The following RAPGEF6 variants were observed in gnomAD, a reference collection of about 807,000 sequenced individuals.
RAPGEF6 encodes Rap guanine nucleotide exchange factor 6.
Under a neutral mutation model 171.4 loss-of-function variants are expected in RAPGEF6, and 56 were observed. The observed-to-expected ratio is 0.33, with a 90% confidence interval of 0.26 to 0.41. The LOEUF (loss-of-function observed/expected upper bound fraction) is 0.41, where lower values mean the gene tolerates loss of function less well. RAPGEF6 is among the 10% of genes least tolerant of loss of function. The pLI is 1.00. For synonymous variants in RAPGEF6, 692 were observed against 650.1 expected, an observed-to-expected ratio of 1.06 and a Z score of -0.98; for missense variants, 1,674 against 1,921.4, an observed-to-expected ratio of 0.87 and a Z score of 2.41.
chr5:131,553,031 A>G (rs963960395), intron 5 of RAPGEF6, among the ~76,000 whole-genome samples: 7 of 152,168 alleles, frequency 4.6e-5, no homozygotes, highest in Admixed American at 2.6e-4. Flanking sequence ...AACAGTAACC[A>G]AGCAGTTGAA....
chr5:131,589,424 G>C (rs1228341769), intron 4 of RAPGEF6, among the ~76,000 whole-genome samples: 1 of 152,182 alleles, frequency 6.6e-6, no homozygotes, highest in Non-Finnish European at 1.5e-5. Flanking sequence ...AATGATTGTT[G>C]TTGTGTGTCT....
intron 9 of RAPGEF6, among the ~76,000 whole-genome samples, chr5:131,506,705 T>C (rs559374945): frequency 1.3e-5 from 2 of 152,192 alleles, no homozygotes; most frequent in East Asian, 3.9e-4. Flanking sequence ...CACCACTATA[T>C]CCCCGTATCT....
At chr5:131,591,001 G>C (rs913605503) in intron 4 of RAPGEF6, among the ~76,000 whole-genome samples, 1 of 152,048 alleles carries the variant, frequency 6.6e-6, no homozygotes, top group African/African-American at 2.4e-5. Context: ...AAAAAGCCAA[G>C]AACTACTATA....
chr5:131,568,938 A>G (rs988458671), intron 4 of RAPGEF6, among the ~76,000 whole-genome samples: 40 of 152,254 alleles, frequency 2.6e-4, no homozygotes, highest in African/African-American at 8.7e-4. Context: ...TCTATATACT[A>G]GCAATGAATA....
intron 3 of RAPGEF6, among the ~76,000 whole-genome samples, chr5:131,594,838 A>G (rs1157576714): frequency 6.6e-6 from 1 of 152,076 alleles, no homozygotes; most frequent in Non-Finnish European, 1.5e-5. Flanking sequence ...TAGCCCCTTT[A>G]TTTTGGCCAA....
rs558702974 is a variant in RAPGEF6 at position 131,524,817 on chromosome 5, C to A, written c.496-3296G>T. Among the ~76,000 whole-genome samples, 109 of 152,222 alleles carry A rather than the reference C, an allele frequency of 7.2e-4. 2 individuals are homozygous for A. In the South Asian group the frequency reaches 0.011, roughly 16 times the overall value. ...TTTTAGTACAGAAGGGGTTTCACCA[C>A]ATTGGCCAGGCTGGTCTCCAGCTCT... On this transcript the variant is annotated intron_variant, in intron 6 of 27. Coordinates refer to ENST00000509018, the MANE Select transcript of RAPGEF6 (RefSeq NM_016340.6).
At chr5:131,605,412 C>T (rs902426724) in intron 1 of RAPGEF6, among the ~76,000 whole-genome samples, 5 of 152,160 alleles carry the variant, frequency 3.3e-5, no homozygotes, top group Non-Finnish European at 5.9e-5. Flanking sequence ...CTGATGGGTG[C>T]AGCACACCAA....
At chr5:131,578,162 C>G (rs1004202234) in intron 4 of RAPGEF6, among the ~76,000 whole-genome samples, 15 of 152,148 alleles carry the variant, frequency 9.9e-5, no homozygotes, top group Admixed American at 9.2e-4. Context: ...AGGTACACTC[C>G]AATTCTTCTA....
intron 1 of RAPGEF6, among the ~76,000 whole-genome samples, chr5:131,616,773 C>T (rs1765290463): frequency 1.3e-5 from 2 of 151,974 alleles, no homozygotes; most frequent in Non-Finnish European, 2.9e-5. Flanking sequence ...TGCCACCACC[C>T]CCAGCTTTTT....
At position 131,479,696 on chromosome 5, in the gene RAPGEF6, G is replaced by T. The variant is rs773847446; in HGVS notation, c.1898C>A (p.Pro633His). The T allele has an allele frequency of 6.2e-7, 1 of 1,613,646 alleles. No homozygotes were observed. Among genetic ancestry groups the T allele is most frequent in the South Asian group, 1.1e-5 (1 of 91,060 alleles). The stretch of plus-strand genomic sequence containing the variant: ...ATTACTTTTTTTTTCAGCAATTTTG[G>T]GAATATGAGGAACACCAGATTTCTC... ...EQEKSGVPHI[P>H]KIAEKKSNRH... Residue 633 changes from proline (P) to histidine (H), a missense_variant, in exon 16 of 28, where the codon CCC becomes CAC. By Grantham distance (77) the Pro-to-His change is moderately conservative. Transcript: ENST00000509018.
intron 1 of RAPGEF6, among the ~76,000 whole-genome samples, chr5:131,633,008 T>C (rs973663069): frequency 3.3e-5 from 5 of 152,202 alleles, no homozygotes; most frequent in African/African-American, 1.2e-4. Context: ...CATAACTTTA[T>C]GAACAGTTTA....
intron 15 of RAPGEF6, among the ~76,000 whole-genome samples, chr5:131,487,180 T>C (rs1001205285): frequency 1.3e-5 from 2 of 152,138 alleles, no homozygotes; most frequent in Non-Finnish European, 2.9e-5. Context: ...TTCCGGTGGG[T>C]TCATGGTCTT....
chr5:131,463,999 G>C, intron 18 of RAPGEF6, 42 bp downstream of exon 18: 1 of 1,518,762 alleles, frequency 6.6e-7, no homozygotes, highest in African/African-American at 1.4e-5. Flanking sequence ...ATCTTCAAAA[G>C]CACATCTACA....
At chr5:131,608,150 T>G (rs771236356) in intron 1 of RAPGEF6, among the ~76,000 whole-genome samples, 4 of 152,232 alleles carry the variant, frequency 2.6e-5, no homozygotes, top group African/African-American at 4.8e-5. Flanking sequence ...CCCATTCATT[T>G]ACCTATTGGC....
At chr5:131,580,863 C>T (rs775622485) in intron 4 of RAPGEF6, among the ~76,000 whole-genome samples, 3 of 152,162 alleles carry the variant, frequency 2.0e-5, no homozygotes, top group Non-Finnish European at 4.4e-5. Flanking sequence ...TGGAAGGGCA[C>T]ATGTACTCTA....
intron 6 of RAPGEF6, among the ~76,000 whole-genome samples, 155 bp downstream of exon 6, chr5:131,547,892 C>G (rs1010344931): frequency 1.3e-5 from 2 of 152,066 alleles, no homozygotes; most frequent in Non-Finnish European, 2.9e-5. Flanking sequence ...ACCAATTCAA[C>G]CAAACAGAAG....
intron 17 of RAPGEF6, among the ~76,000 whole-genome samples, chr5:131,471,586 T>C (rs1365031480): frequency 6.6e-6 from 1 of 152,184 alleles, no homozygotes; most frequent in Non-Finnish European, 1.5e-5. Context: ...AATTATATGT[T>C]TCAGTGCTTA....
At chr5:131,502,063 T>C (rs879352278) in intron 11 of RAPGEF6, among the ~76,000 whole-genome samples, 2 of 152,272 alleles carry the variant, frequency 1.3e-5, no homozygotes, top group Admixed American at 1.3e-4. Flanking sequence ...TGTGCTCAAA[T>C]GATGGGGATA....
chr5:131,514,167 A>G (rs1757925895), intron 7 of RAPGEF6, among the ~76,000 whole-genome samples: 1 of 152,246 alleles, frequency 6.6e-6, no homozygotes, highest in South Asian at 2.1e-4. Flanking sequence ...CATGAGCATA[A>G]GGTGATAAAA....
Sources: allele counts gnomAD v4.1 joint callset (sites outside exome capture counted in the v4.1 genomes callset), GRCh38; gene constraint gnomAD v4.1.1; transcripts MANE v1.5; gene names NCBI Gene and HGNC (gene_info 2026-07-23, HGNC 2026-07-21).